Variants in DENND2A observed in about 807,000 individuals in gnomAD.
DENND2A encodes DENN domain-containing protein 2A.
A neutral mutation model predicts 105.3 loss-of-function variants in DENND2A; 53 were observed. That is an observed-to-expected ratio of 0.50 (90% CI 0.40 to 0.63). The LOEUF (loss-of-function observed/expected upper bound fraction) is 0.63. Among genes scored for constraint, DENND2A ranks in the 30% least tolerant of loss-of-function variants. The pLI is 0.00. For missense variants in DENND2A, 1,138 were observed against 1,279.6 expected (o/e 0.89, Z 1.69); for synonymous variants, 522 against 508.4 (o/e 1.03, Z -0.36).
chr7:140,575,212 C>A (rs1393280398), intron 5 of DENND2A, among the ~76,000 whole-genome samples: 1 of 152,020 alleles, frequency 6.6e-6, no homozygotes, highest in Non-Finnish European at 1.5e-5. Context: ...TACAATGATT[C>A]TTAGATATAT....
Position 140,527,361 on chromosome 7 carries a change from A to ATGAG in DENND2A, c.2461_2462insCTCA (p.Leu821ProfsTer21), listed in dbSNP as rs1385501569. On this transcript the variant is annotated frameshift_variant, in exon 15 of 20. Coordinates refer to ENST00000496613, the MANE Select transcript of DENND2A (RefSeq NM_015689.5). LOFTEE classifies it high-confidence loss of function. This position sits in a 1 kb window ranked among gnomAD's most constrained non-coding sequence, Gnocchi z 4.9. ...CCTGAGCAGTGGCAGCGAGCTGGAG[A>ATGAG]GCAGCCCGATGAGGAAGGGCGTCGG... 6.2e-7 allele frequency: 1 copy of ATGAG among 1,602,440 alleles called. No individual in the cohort carries two copies. Among genetic ancestry groups the ATGAG allele is most frequent in the African/African-American group, 1.3e-5 (1 of 74,828 alleles).
rs566739865 is a variant in DENND2A at position 140,592,756 on chromosome 7, T to C, written c.996-4976A>G. Among the ~76,000 whole-genome samples, 913 of 152,110 alleles carry C rather than the reference T, an allele frequency of 6.0e-3. 5 individuals are homozygous for C. The highest frequency in any genetic ancestry group is 0.02 in the African/African-American group (848 of 41,508). On this transcript the variant is annotated intron_variant, in intron 3 of 19. Coordinates refer to ENST00000496613, the MANE Select transcript of DENND2A (RefSeq NM_015689.5). ...CTGGGATTACAGGCACCTGCCACCA[T>C]GCCTGGCTAATTTTTGTATTTTTTG...
intron 12 of DENND2A, among the ~76,000 whole-genome samples, chr7:140,554,735 T>C (rs1031708251): frequency 6.6e-6 from 1 of 152,202 alleles, no homozygotes; most frequent in Non-Finnish European, 1.5e-5. Flanking sequence ...TCATATAGGA[T>C]AGTAATTCTC....
chr7:140,577,827 G>T (rs1798368915), intron 5 of DENND2A, among the ~76,000 whole-genome samples: 1 of 152,216 alleles, frequency 6.6e-6, no homozygotes, highest in African/African-American at 2.4e-5. Flanking sequence ...AATGCACCTG[G>T]CTGTGTTTCC....
At chr7:140,557,806 G>C (rs921888199) in intron 11 of DENND2A, among the ~76,000 whole-genome samples, 2 of 151,350 alleles carry the variant, frequency 1.3e-5, no homozygotes, top group African/African-American at 2.4e-5. Flanking sequence ...CCAAAGTGCT[G>C]GGATTACAGG....
Position 140,523,803 on chromosome 7 carries a change from C to T in DENND2A, c.2548-379G>A, listed in dbSNP as rs1193856012. 6.6e-6 allele frequency among the ~76,000 whole-genome samples: 1 copy of T among 152,172 alleles called. No homozygotes were observed. The highest frequency in any genetic ancestry group is 1.5e-5 in the Non-Finnish European group (1 of 68,036). ...AGCCAGGCTGGTCTCGAACTCCTGACCTCAGGTGATCCGCCCACCTTGGTC... is the reference window on the plus strand; with the variant it reads ...AGCCAGGCTGGTCTCGAACTCCTGATCTCAGGTGATCCGCCCACCTTGGTC... On this transcript the variant is annotated intron_variant, in intron 16 of 19. Transcript: ENST00000496613. The surrounding 1 kb of genome is among the most constrained non-coding windows in gnomAD (Gnocchi z 4.5).
rs572048613 is a variant in DENND2A at position 140,589,407 on chromosome 7, G to A, written c.996-1627C>T. 2.8e-4 allele frequency among the ~76,000 whole-genome samples: 42 copies of A among 152,290 alleles called. 1 individual carries two copies. The South Asian group carries it at 8.7e-3, about 32-fold the overall frequency. On this transcript the variant is annotated intron_variant, in intron 3 of 19. Coordinates refer to ENST00000496613, the MANE Select transcript of DENND2A (RefSeq NM_015689.5). ...TTCCCTCAAGTAGTAAGTAATCTATGCTATGAGGAGATGCTATGAACCCTT... is the reference window on the plus strand; with the variant it reads ...TTCCCTCAAGTAGTAAGTAATCTATACTATGAGGAGATGCTATGAACCCTT...
intron 9 of DENND2A, among the ~76,000 whole-genome samples, chr7:140,562,457 C>T (rs536766935): frequency 1.4e-3 from 215 of 151,968 alleles, no homozygotes; most frequent in African/African-American, 4.8e-3. Flanking sequence ...GTCTGGAGAT[C>T]GAGACCATCC....
intron 3 of DENND2A, among the ~76,000 whole-genome samples, chr7:140,596,544 T>A (rs972564976): frequency 6.6e-6 from 1 of 152,152 alleles, no homozygotes; most frequent in African/African-American, 2.4e-5. Context: ...AGATGGAAAT[T>A]ATGGAATCAA....
At chr7:140,600,860 A>T (rs1268188449) in intron 3 of DENND2A, among the ~76,000 whole-genome samples, 1 of 152,336 alleles carries the variant, frequency 6.6e-6, no homozygotes, top group African/African-American at 2.4e-5. Flanking sequence ...CACAGATTTT[A>T]TTTTTAAGCA....
rs62485845 is a variant in DENND2A, at chr7:140,623,624, A to G, written c.-248+16880T>C. On this transcript the variant is annotated intron_variant, in intron 1 of 19. Transcript: ENST00000496613. ...GCGCCTGTAATCCCAGCTACTCGGG[A>G]GGCTGAGGCAGGAGAATCACTTGCA... is the stretch of plus-strand genomic sequence containing the variant. 6.0e-3 allele frequency among the ~76,000 whole-genome samples: 908 copies of G among 151,020 alleles called. 3 individuals carry two copies. The highest frequency in any genetic ancestry group is 0.01 in the Non-Finnish European group (699 of 67,828).
intron 3 of DENND2A, 98 bp downstream of exon 3, chr7:140,601,305 A>T: frequency 1.4e-6 from 2 of 1,462,012 alleles, no homozygotes; most frequent in Non-Finnish European, 1.8e-6. Flanking sequence ...TCAGTTTAAT[A>T]AAACAAATAA....
At chr7:140,560,671 C>T (rs927363808) in intron 9 of DENND2A, among the ~76,000 whole-genome samples, 1 of 151,850 alleles carries the variant, frequency 6.6e-6, no homozygotes, top group African/African-American at 2.4e-5. Flanking sequence ...GTGGCTCACA[C>T]CTGTAATCCC....
intron 14 of DENND2A, among the ~76,000 whole-genome samples, chr7:140,529,712 A>T (rs1433038042): frequency 6.7e-6 from 1 of 150,312 alleles, no homozygotes; most frequent in East Asian, 2.0e-4. Context: ...CAAACACCAC[A>T]TGTTCTCACT....
At chr7:140,582,481 A>G (rs986388361) in intron 5 of DENND2A, among the ~76,000 whole-genome samples, 20 of 152,270 alleles carry the variant, frequency 1.3e-4, no homozygotes, top group Admixed American at 6.5e-4. Context: ...CAAGGCAAGC[A>G]GAGAGCATTT....
At chr7:140,568,986 G>A (rs1485451785) in intron 7 of DENND2A, among the ~76,000 whole-genome samples, 173 bp from the exon 8 acceptor site, 6 of 151,862 alleles carry the variant, frequency 4.0e-5, no homozygotes, top group African/African-American at 1.2e-4. Flanking sequence ...GTGCAGTGGC[G>A]CAATCTCGGC....
intron 5 of DENND2A, among the ~76,000 whole-genome samples, chr7:140,574,412 T>G (rs1018154679): frequency 2.0e-5 from 3 of 151,802 alleles, no homozygotes; most frequent in African/African-American, 4.8e-5. Flanking sequence ...AGAGACGAGG[T>G]TTCACCGTGT....
intron 1 of DENND2A, among the ~76,000 whole-genome samples, chr7:140,634,685 A>G (rs887723493): frequency 6.6e-6 from 1 of 152,110 alleles, no homozygotes; most frequent in African/African-American, 2.4e-5. Context: ...AGCCTGGCCA[A>G]CATGGTGAAA....
intron 6 of DENND2A, among the ~76,000 whole-genome samples, chr7:140,570,501 G>C (rs953942532): frequency 1.3e-5 from 2 of 152,206 alleles, no homozygotes; most frequent in South Asian, 2.1e-4. Flanking sequence ...AGCCCTGAGT[G>C]GGGTGAGAAC....
Sources: allele counts gnomAD v4.1 joint callset (sites outside exome capture counted in the v4.1 genomes callset), GRCh38; gene constraint gnomAD v4.1.1; non-coding constraint Gnocchi (gnomAD v3.1); transcripts MANE v1.5; gene names NCBI Gene and HGNC (gene_info 2026-07-23, HGNC 2026-07-21).